The following ARF5 variants were observed in gnomAD, a reference collection of about 807,000 sequenced individuals.
ARF5 encodes the protein ADP-ribosylation factor 5.
Under a neutral mutation model 24.8 loss-of-function variants are expected in ARF5, and 10 were observed. That is an observed-to-expected ratio of 0.40 (90% CI 0.25 to 0.68). The LOEUF (loss-of-function observed/expected upper bound fraction) is 0.68, where lower values mean the gene tolerates loss of function less well. Ranked by LOEUF, ARF5 falls within the 30% of genes least tolerant of loss-of-function variation. The probability of loss-of-function intolerance (pLI) is 0.36; values close to 1 mark genes in which losing one functional copy is unlikely to be tolerated. For synonymous variants in ARF5, 102 were observed against 95.1 expected (o/e 1.07, Z -0.42); for missense variants, 135 against 239.2 (o/e 0.56, Z 2.87).
chr7:127,588,437 G>A lies in ARF5; in HGVS notation c.-62G>A, dbSNP rs1156435619. 16 of 1,142,260 alleles carry A rather than the reference G, an allele frequency of 1.4e-5. No homozygotes were observed. The highest frequency in any genetic ancestry group is 3.0e-5 in the South Asian group (1 of 33,172). The allele number at this position is 1,142,260 out of a possible 1,614,324, so 70.8% of individuals were successfully genotyped here. On this transcript the variant is annotated 5_prime_UTR_variant, in exon 1 of 6. Transcript: ENST00000000233. ...TGCTGCTGCTGCGCCCCATCCCCCC[G>A]CGGCCGGCCAGTTCCAGCCCGCACC...
Position 127,590,047 on chromosome 7 carries a change from T to C in ARF5, c.259-19T>C. 1 of 1,607,582 alleles carries C rather than the reference T, an allele frequency of 6.2e-7. No individual in the cohort carries two copies. Among genetic ancestry groups the C allele is most frequent in the African/African-American group, 1.3e-5 (1 of 74,884 alleles). On this transcript the variant is annotated intron_variant, in intron 3 of 5. Transcript: ENST00000000233. Reference sequence around the variant, plus strand: ...GGCAGAAGTGATTGCTTCTCCTTTCTTCCTTCCTTCCTGCCCAGGGCCTCA... The same window carrying C: ...GGCAGAAGTGATTGCTTCTCCTTTCCTCCTTCCTTCCTGCCCAGGGCCTCA...
At chr7:127,588,829 A>C in intron 1 of ARF5, 1 of 565,668 alleles carries the variant, frequency 1.8e-6, no homozygotes, top group Non-Finnish European at 3.1e-6. Flanking sequence ...GCCCTTGGAG[A>C]CGACTTTTAA....
intron 2 of ARF5, 35 bp from the exon 3 acceptor site, chr7:127,589,450 G>A (rs1794253103): frequency 2.0e-6 from 3 of 1,528,210 alleles, no homozygotes; most frequent in Non-Finnish European, 1.8e-6. Flanking sequence ...TTTCTTTCAG[G>A]AGTTTTCTCA....
In ARF5 at chr7:127,589,520, T is replaced by C. The variant is rs1794253997; in HGVS notation, c.184T>C (p.Cys62Arg). The C allele has an allele frequency of 6.2e-7, 1 of 1,613,278 alleles. No homozygotes were observed. The highest frequency in any genetic ancestry group is 8.5e-7 in the Non-Finnish European group (1 of 1,179,830). ...NVETVEYKNI[C>R]FTVWDVGGQD... is the part of the protein sequence containing the mutation. The stretch of plus-strand genomic sequence containing the variant: ...AGAAACAGTGGAATATAAGAACATC[T>C]GTTTCACAGTCTGGGACGTGGGAGG... Residue 62 changes from cysteine to arginine, a missense_variant, in exon 3 of 6, where the codon TGT (cysteine) becomes CGT (arginine). By Grantham distance (180) the Cys-to-Arg change is radical. Around this residue, in one of 3 missense-constraint regions of ARF5, gnomAD observed 102 missense variants for 160.9 expected, o/e 0.63. Coordinates refer to ENST00000000233, the MANE Select transcript of ARF5 (RefSeq NM_001662.4).
intron 4 of ARF5, among the ~76,000 whole-genome samples, chr7:127,590,590 C>T (rs372605227): frequency 1.3e-5 from 2 of 152,336 alleles, no homozygotes; most frequent in South Asian, 2.1e-4. Context: ...GTCTTGGTCT[C>T]CCAAAGTGCT....
chr7:127,589,184 G>A (rs1180523370), intron 2 of ARF5, 21 bp downstream of exon 2: 1 of 1,613,440 alleles, frequency 6.2e-7, no homozygotes, highest in Non-Finnish European at 8.5e-7. Flanking sequence ...GGACGAAGCA[G>A]GGAGCGGGAG....
intron 1 of ARF5, 96 bp downstream of exon 1, chr7:127,588,661 T>G: frequency 8.4e-5 from 96 of 1,148,336 alleles, no homozygotes; most frequent in Non-Finnish European, 9.9e-5. Context: ...CCTGGGTCTC[T>G]GGCCCCGAGT....
intron 4 of ARF5, 146 bp downstream of exon 4, chr7:127,590,283 AC>A (rs1437142219): frequency 1.6e-6 from 1 of 636,896 alleles, no homozygotes; most frequent in Non-Finnish European, 2.8e-6. Context: ...TGTGTATCTC[AC>A]CCTGTTTTGG....
At position 127,590,977 on chromosome 7, in the gene ARF5, G is replaced by A. The variant is rs1489738157; in HGVS notation, c.345G>A (p.Glu115=). ...TCCTCTCTCAGCTGCAGGAGGACGA[G>A]CTGCGGGATGCAGTGCTGCTGGTAT... The part of the protein sequence containing the change: ...DELQKMLQED[E]LRDAVLLVFA... Residue 115 remains glutamate (E), a synonymous_variant, in exon 5 of 6, where the codon GAG becomes GAA. Transcript: ENST00000000233. 9.9e-6 allele frequency: 16 copies of A among 1,613,518 alleles called. No individual in the cohort carries two copies. Among genetic ancestry groups the A allele is most frequent in the Non-Finnish European group, 1.4e-5 (16 of 1,179,664 alleles).
chr7:127,591,066 T>G lies in ARF5; in HGVS notation c.434T>G (p.Leu145Arg). 6.2e-7 allele frequency: 1 copy of G among 1,614,056 alleles called. No homozygotes were observed. Among genetic ancestry groups the G allele is most frequent in the Non-Finnish European group, 8.5e-7 (1 of 1,179,998 alleles). Residue 145 changes from leucine to arginine, a missense_variant, in exon 5 of 6, where the codon CTA (leucine) becomes CGA (arginine). Leu to Arg is a moderately radical substitution (Grantham distance 102). This residue lies in a region of ARF5 where 102 missense variants were observed against 160.9 expected (regional missense o/e 0.63). Transcript: ENST00000000233. ...AGCGAGCTGACTGACAAGCTGGGGCTACAGCACTTACGCAGCCGCACGGTA... is the reference window on the plus strand; with the variant it reads ...AGCGAGCTGACTGACAAGCTGGGGCGACAGCACTTACGCAGCCGCACGGTA... ...PVSELTDKLG[L>R]QHLRSRTWYV...
chr7:127,589,171 C>T lies in ARF5; in HGVS notation c.148+8C>T. 1.2e-6 allele frequency: 2 copies of T among 1,613,092 alleles called. No homozygotes were observed. Among genetic ancestry groups the T allele is most frequent in the East Asian group, 2.2e-5 (1 of 44,788 alleles). On this transcript the variant is annotated splice_region_variant and intron_variant, in intron 2 of 5. Coordinates refer to ENST00000000233, the MANE Select transcript of ARF5 (RefSeq NM_001662.4). ...CCACCATCCCAACCATAGGTGAGCC[C>T]GGGGACGAAGCAGGGAGCGGGAGCG...
chr7:127,589,290 G>C, intron 2 of ARF5, 127 bp downstream of exon 2: 1 of 1,236,228 alleles, frequency 8.1e-7, no homozygotes, highest in East Asian at 2.4e-5. Flanking sequence ...AGTGGGTCAG[G>C]GTATCTCTAC....
Position 127,590,046 on chromosome 7 carries a change from C to T in ARF5, c.259-20C>T, listed in dbSNP as rs1461244075. 6.2e-7 allele frequency: 1 copy of T among 1,605,870 alleles called. No homozygotes were observed. The highest frequency in any genetic ancestry group is 1.3e-5 in the African/African-American group (1 of 74,118). ...AGGCAGAAGTGATTGCTTCTCCTTT[C>T]TTCCTTCCTTCCTGCCCAGGGCCTC... On this transcript the variant is annotated intron_variant, in intron 3 of 5. Transcript: ENST00000000233.
In ARF5 at chr7:127,591,227, C is replaced by T. The variant is rs756882514; in HGVS notation, c.471C>T (p.Ala157=). ...HLRSRTWYVQ[A]TCATQGTGLY... ...TTTCCCCACAGTGGTATGTCCAGGC[C>T]ACCTGTGCCACCCAAGGCACAGGTC... is the stretch of plus-strand genomic sequence containing the variant. Residue 157 remains alanine (A), a synonymous_variant, in exon 6 of 6, where the codon GCC becomes GCT. Transcript: ENST00000000233. 3 of 1,604,494 alleles carry T rather than the reference C, an allele frequency of 1.9e-6. No homozygotes were observed. Among genetic ancestry groups the T allele is most frequent in the Admixed American group, 3.5e-5 (2 of 57,086 alleles).
At chr7:127,589,308 C>A (rs915916950) in intron 2 of ARF5, 145 bp downstream of exon 2, 8 of 1,133,240 alleles carry the variant, frequency 7.1e-6, no homozygotes, top group Admixed American at 4.1e-5. Context: ...TACGTGGATA[C>A]CGGAGGCAGG....
Position 127,591,304 on chromosome 7 carries a change from C to T in ARF5, c.*5C>T. The T allele has an allele frequency of 6.9e-6, 11 of 1,587,714 alleles. No individual in the cohort carries two copies. The highest frequency in any genetic ancestry group is 8.5e-6 in the Non-Finnish European group (10 of 1,170,224). The stretch of plus-strand genomic sequence containing the variant: ...CACGAGCTGTCAAAGCGCTAACCAG[C>T]CAGGGGCAGGCCCCTGATGCCCGGA... On this transcript the variant is annotated 3_prime_UTR_variant, in exon 6 of 6. Transcript: ENST00000000233.
chr7:127,588,697 C>G, intron 1 of ARF5, 132 bp downstream of exon 1: 6 of 914,104 alleles, frequency 6.6e-6, no homozygotes, highest in Non-Finnish European at 9.1e-6. Context: ...GCCCCGGGGC[C>G]TCTGCTCTCG....
At chr7:127,589,006 T>G in intron 1 of ARF5, 77 bp from the exon 2 acceptor site, 1 of 1,522,506 alleles carries the variant, frequency 6.6e-7, no homozygotes, top group Non-Finnish European at 9.1e-7. Context: ...CATCAGCTGT[T>G]GTGGCCTCTC....
chr7:127,589,561 G>C lies in ARF5; in HGVS notation c.225G>C (p.Arg75=), dbSNP rs1370614770. 1 of 1,614,034 alleles carries C rather than the reference G, an allele frequency of 6.2e-7. No homozygotes were observed. The highest frequency in any genetic ancestry group is 2.2e-5 in the East Asian group (1 of 44,882). Reference sequence around the variant, plus strand: ...ACGTGGGAGGCCAGGACAAGATTCGGCCTCTGTGGCGGCACTACTTCCAGA... The same window carrying C: ...ACGTGGGAGGCCAGGACAAGATTCGCCCTCTGTGGCGGCACTACTTCCAGA... ...VWDVGGQDKI[R]PLWRHYFQNT... Residue 75 remains arginine, a synonymous_variant, in exon 3 of 6, where the codon CGG becomes CGC. Transcript: ENST00000000233.
Sources: gnomAD v4.1 joint callset for allele counts (sites outside exome capture counted in the v4.1 genomes callset) on GRCh38, gnomAD v4.1.1 for gene constraint, gnomAD v4.1.1 regional missense constraint, MANE v1.5 for transcripts, NCBI Gene and HGNC (gene_info 2026-07-23, HGNC 2026-07-21) for gene names.